Variants in ARMH4 observed in about 807,000 individuals in gnomAD.
ARMH4 encodes armadillo-like helical domain-containing protein 4.
Under a neutral mutation model 61.9 loss-of-function variants are expected in ARMH4, and 49 were observed. The observed-to-expected ratio is 0.79, with a 90% confidence interval of 0.63 to 1.00. ARMH4 has a LOEUF of 1.00. Among genes scored for constraint, ARMH4 ranks in the 50% least tolerant of loss-of-function variants. The pLI is 0.00. For synonymous variants in ARMH4, 368 were observed against 341.5 expected, an observed-to-expected ratio of 1.08 and a Z score of -0.85; for missense variants, 934 against 930.0, an observed-to-expected ratio of 1.00 and a Z score of -0.06.
At chr14:58,114,743 A>C (rs1886464847) in intron 4 of ARMH4, among the ~76,000 whole-genome samples, 2 of 152,116 alleles carry the variant, frequency 1.3e-5, no homozygotes, top group Admixed American at 1.3e-4. Context: ...CTGAAATGTT[A>C]TTATTAAATA....
chr14:58,112,287 T>C (rs1886379157), intron 4 of ARMH4, among the ~76,000 whole-genome samples: 1 of 98,366 alleles, frequency 1.0e-5, no homozygotes, highest in Non-Finnish European at 2.0e-5. Context: ...TTAATTTTTC[T>C]TTTTTTTTTT....
chr14:58,050,143 T>C (rs1189688573), intron 5 of ARMH4, among the ~76,000 whole-genome samples: 2 of 152,232 alleles, frequency 1.3e-5, no homozygotes, highest in East Asian at 3.8e-4. Context: ...AACTGCTGGC[T>C]TCAAGTGAAG....
intron 5 of ARMH4, among the ~76,000 whole-genome samples, chr14:58,070,056 G>C (rs1299216947): frequency 1.3e-5 from 2 of 152,154 alleles, no homozygotes; most frequent in African/African-American, 4.8e-5. Flanking sequence ...AGGGTAAATT[G>C]AACAGTCACT....
chr14:58,146,181 A>G (rs1887727336), intron 1 of ARMH4, among the ~76,000 whole-genome samples: 2 of 152,248 alleles, frequency 1.3e-5, no homozygotes, highest in South Asian at 4.1e-4. Context: ...ATATTGGCTG[A>G]ACAAACAGAT....
At chr14:58,108,608 A>G (rs1240356929) in intron 4 of ARMH4, among the ~76,000 whole-genome samples, 1 of 152,202 alleles carries the variant, frequency 6.6e-6, no homozygotes, top group Non-Finnish European at 1.5e-5. Context: ...CATTATGCAT[A>G]TATGTCACAG....
chr14:58,112,946 A>G lies in ARMH4; in HGVS notation c.1832-15965T>C, dbSNP rs566752318. Among the ~76,000 whole-genome samples the G allele has an allele frequency of 3.9e-5, 6 of 152,102 alleles. 1 individual carries two copies. The highest frequency in any genetic ancestry group is 3.3e-4 in the Admixed American group (5 of 15,282). ...TTTGTCTTCATTGTTCTTTCATTTCATTACAATGTATCTTGTTGAGCATTT... is the reference window on the plus strand; with the variant it reads ...TTTGTCTTCATTGTTCTTTCATTTCGTTACAATGTATCTTGTTGAGCATTT... On this transcript the variant is annotated intron_variant, in intron 4 of 7. Coordinates refer to ENST00000267485, the MANE Select transcript of ARMH4 (RefSeq NM_001001872.4).
At chr14:58,136,255 T>C (rs1566597991) in intron 2 of ARMH4, among the ~76,000 whole-genome samples, 1 of 152,162 alleles carries the variant, frequency 6.6e-6, no homozygotes, top group Non-Finnish European at 1.5e-5. Flanking sequence ...ACCAATTCCA[T>C]TTTACTTTTT....
rs1285974009 is a variant in ARMH4 at position 58,138,598 on chromosome 14, T to A, written c.761A>T (p.Lys254Met). The A allele has an allele frequency of 6.2e-7, 1 of 1,614,094 alleles. No homozygotes were observed. The highest frequency in any genetic ancestry group is 8.5e-7 in the Non-Finnish European group (1 of 1,180,046). Residue 254 changes from lysine (K) to methionine (M), a missense_variant, in exon 2 of 8, where the codon AAG becomes ATG. Lys to Met is a moderately conservative substitution (Grantham distance 95, BLOSUM62 -1). Transcript: ENST00000267485. ...AGCTGTCATCTGCGAAGGCTTCTCCTTATCAGGGGTGAGGCTTCCAGGCTC... is the reference window on the plus strand; with the variant it reads ...AGCTGTCATCTGCGAAGGCTTCTCCATATCAGGGGTGAGGCTTCCAGGCTC... ...GSEPGSLTPD[K>M]EKPSQMTADN... is the part of the protein sequence containing the mutation.
intron 1 of ARMH4, among the ~76,000 whole-genome samples, chr14:58,142,239 T>C (rs1306470795): frequency 6.6e-6 from 1 of 152,214 alleles, no homozygotes; most frequent in African/African-American, 2.4e-5. Flanking sequence ...CATTCAATGA[T>C]CTAAGTTAAG....
intron 5 of ARMH4, among the ~76,000 whole-genome samples, chr14:58,020,957 T>G (rs1882804133): frequency 6.6e-6 from 1 of 152,192 alleles, no homozygotes; most frequent in Non-Finnish European, 1.5e-5. Flanking sequence ...AGAGCTGATG[T>G]AGTCCAAAAG....
At chr14:58,108,449 T>G (rs1886240283) in intron 4 of ARMH4, among the ~76,000 whole-genome samples, 1 of 152,232 alleles carries the variant, frequency 6.6e-6, no homozygotes, top group Non-Finnish European at 1.5e-5. Flanking sequence ...CTGCATATTC[T>G]TCTTAACATC....
rs544458374 is a variant in ARMH4, at chr14:58,005,979, C to T, written c.2122-797G>A. Reference sequence around the variant, plus strand: ...TACACAAAGATCACTGCCAACAACACGATACCTCCAAAAGATCCTGGAAGT... The same window carrying T: ...TACACAAAGATCACTGCCAACAACATGATACCTCCAAAAGATCCTGGAAGT... On this transcript the variant is annotated intron_variant, in intron 6 of 7. Coordinates refer to ENST00000267485, the MANE Select transcript of ARMH4 (RefSeq NM_001001872.4). Among the ~76,000 whole-genome samples, 8 of 152,302 alleles carry T rather than the reference C, an allele frequency of 5.3e-5. No homozygotes were observed. The East Asian group carries it at 9.7e-4, about 18-fold the overall frequency.
chr14:58,107,380 C>T (rs997706069), intron 4 of ARMH4, among the ~76,000 whole-genome samples: 6 of 152,204 alleles, frequency 3.9e-5, no homozygotes, highest in Admixed American at 1.3e-4. Flanking sequence ...GAATCATCAT[C>T]TTTTGCCTAT....
chr14:58,049,288 AGAT>A (rs1884057444), intron 5 of ARMH4, among the ~76,000 whole-genome samples: 1 of 152,070 alleles, frequency 6.6e-6, no homozygotes, highest in Non-Finnish European at 1.5e-5. Flanking sequence ...CACAGAATAT[AGAT>A]GATTCACTGC....
chr14:58,141,237 A>T, intron 1 of ARMH4: 1 of 283,748 alleles, frequency 3.5e-6, no homozygotes, highest in Non-Finnish European at 7.1e-6. Context: ...TATGTCTTTT[A>T]GCTCTTTTTC....
intron 5 of ARMH4, among the ~76,000 whole-genome samples, chr14:58,026,672 C>T (rs1003899159): frequency 2.6e-5 from 4 of 152,090 alleles, no homozygotes; most frequent in Non-Finnish European, 5.9e-5. Context: ...GAGATATAAC[C>T]GAGGCTTTAG....
At chr14:58,004,841 T>C in intron 7 of ARMH4, 37 bp from the exon 8 acceptor site, 1 of 1,589,132 alleles carries the variant, frequency 6.3e-7, no homozygotes. Context: ...AAACTCTTTC[T>C]GCCACAGAGC....
In ARMH4 at chr14:58,004,190, C is replaced by T. The variant is rs1371267524; in HGVS notation, c.*546G>A. On this transcript the variant is annotated 3_prime_UTR_variant, in exon 8 of 8. Transcript: ENST00000267485. Reference sequence around the variant, plus strand: ...AATACATACAAATCTACATATAATCCTAATATGCTGAGAGAGCTTCTTAAT... The same window carrying T: ...AATACATACAAATCTACATATAATCTTAATATGCTGAGAGAGCTTCTTAAT... 1.3e-5 allele frequency: 2 copies of T among 152,196 alleles called. No individual in the cohort carries two copies. Among genetic ancestry groups the T allele is most frequent in the South Asian group, 2.1e-4 (1 of 4,822 alleles). The allele number at this position is 152,196 out of a possible 1,614,324, so 9.4% of individuals were successfully genotyped here.
intron 6 of ARMH4, among the ~76,000 whole-genome samples, chr14:58,008,364 G>C (rs1236226635): frequency 6.6e-6 from 1 of 152,130 alleles, no homozygotes; most frequent in Admixed American, 6.5e-5. Context: ...TCTTACTCTT[G>C]TATCTCATCT....
Sources: gnomAD v4.1 joint callset for allele counts (sites outside exome capture counted in the v4.1 genomes callset) on GRCh38, gnomAD v4.1.1 for gene constraint, MANE v1.5 for transcripts, NCBI Gene and HGNC (gene_info 2026-07-23, HGNC 2026-07-21) for gene names.